The following CLVS1 variants were observed in gnomAD, a reference collection of about 807,000 sequenced individuals.
CLVS1 encodes clavesin 1, also known as clavesin-1.
CLVS1 carries 10 observed loss-of-function variants against 33.1 expected under a neutral mutation model. That is an observed-to-expected ratio of 0.30 (90% CI 0.19 to 0.51). CLVS1 has a LOEUF of 0.51. Ranked by LOEUF, CLVS1 falls within the 20% of genes least tolerant of loss-of-function variation. CLVS1 has a pLI of 0.97. For missense variants in CLVS1, 343 were observed against 433.4 expected (o/e 0.79, Z 1.85); for synonymous variants, 163 against 166.1 (o/e 0.98, Z 0.14).
intron 2 of CLVS1, among the ~76,000 whole-genome samples, chr8:61,171,663 G>A (rs888202794): frequency 6.6e-6 from 1 of 152,072 alleles, no homozygotes; most frequent in Non-Finnish European, 1.5e-5. Context: ...CTAAGAAACA[G>A]GCAATGTATT....
chr8:60,992,796 AAGACATGACCCGTGAGGC>A, the CLVS1 span, among the ~76,000 whole-genome samples: 1 of 152,212 alleles, frequency 6.6e-6, no homozygotes, highest in Non-Finnish European at 1.5e-5. Flanking sequence ...TAAGAAGAGC[AAGACATGACCCGTGAGGC>A]AGGGAGAAGT....
At chr8:61,097,278 T>G (rs1271532323) in intron 1 of CLVS1, among the ~76,000 whole-genome samples, 1 of 150,652 alleles carries the variant, frequency 6.6e-6, no homozygotes, top group African/African-American at 2.4e-5. Context: ...GGTAACAGAG[T>G]GAGACTCCAT....
At chr8:61,220,512 G>T (rs962107411) in intron 2 of CLVS1, among the ~76,000 whole-genome samples, 2 of 151,996 alleles carry the variant, frequency 1.3e-5, no homozygotes, top group Non-Finnish European at 2.9e-5. Context: ...TGCTCCATTT[G>T]TTTATATGTC....
chr8:61,131,669 C>T (rs1023397343), intron 1 of CLVS1: 3 of 149,200 alleles, frequency 2.0e-5, no homozygotes, highest in African/African-American at 5.0e-5. Flanking sequence ...TTCTAGGGGC[C>T]AGTTTTTTTT....
At chr8:61,143,142 A>C (rs888538535) in intron 2 of CLVS1, among the ~76,000 whole-genome samples, 1 of 152,228 alleles carries the variant, frequency 6.6e-6, no homozygotes, top group African/African-American at 2.4e-5. Flanking sequence ...AGGGAAAACA[A>C]CCTACCACAT....
chr8:61,320,743 G>T (rs1430889559), intron 2 of CLVS1, among the ~76,000 whole-genome samples: 1 of 152,118 alleles, frequency 6.6e-6, no homozygotes, highest in African/African-American at 2.4e-5. Context: ...GGCACTGATT[G>T]CTCTAGAGCC....
intron 2 of CLVS1, among the ~76,000 whole-genome samples, chr8:61,202,063 G>A (rs986462848): frequency 8.4e-4 from 128 of 152,258 alleles, no homozygotes; most frequent in Non-Finnish European, 7.4e-5. Context: ...AACAAAGGAA[G>A]GAGGAAGTAA....
chr8:61,309,550 C>A lies in CLVS1; in HGVS notation c.455+9268C>A, dbSNP rs191013681. On this transcript the variant is annotated intron_variant, in intron 2 of 5. Transcript: ENST00000325897. ...GAAGACACTGTCATATTTACTTTCT[C>A]ATGTAGAAAAACACCCCAAATCTGT... 1.5e-3 allele frequency among the ~76,000 whole-genome samples: 217 copies of A among 148,220 alleles called. 2 individuals carry two copies. The highest frequency in any genetic ancestry group is 4.0e-3 in the African/African-American group (164 of 40,706).
At chr8:61,266,959 CTG>C (rs1158621440) in intron 2 of CLVS1, among the ~76,000 whole-genome samples, 2 of 152,210 alleles carry the variant, frequency 1.3e-5, no homozygotes, top group Non-Finnish European at 2.9e-5. Context: ...AATCCCAACA[CTG>C]TGGAGCCACA....
intron 1 of CLVS1, among the ~76,000 whole-genome samples, chr8:61,116,045 T>G (rs1458596299): frequency 6.6e-6 from 1 of 150,624 alleles, no homozygotes; most frequent in Non-Finnish European, 1.5e-5. Context: ...TGTTGTTTCC[T>G]GACTTTTTAA....
chr8:61,376,488 G>A, intron 2 of CLVS1, 117 bp from the exon 3 acceptor site: 1 of 874,176 alleles, frequency 1.1e-6, no homozygotes. Context: ...GGACGCCAGT[G>A]TGACCCTCCA....
intron 3 of CLVS1, among the ~76,000 whole-genome samples, chr8:61,382,987 A>G (rs920510155): frequency 6.6e-6 from 1 of 152,200 alleles, no homozygotes; most frequent in Non-Finnish European, 1.5e-5. Context: ...TGGCTACTCA[A>G]TGTTAGAGTG....
intron 2 of CLVS1, among the ~76,000 whole-genome samples, chr8:61,318,581 A>T (rs1433011411): frequency 6.6e-6 from 1 of 152,190 alleles, no homozygotes; most frequent in African/African-American, 2.4e-5. Flanking sequence ...CTATCTTCAT[A>T]TGAAATTCCC....
chr8:61,142,969 A>T (rs188602819), intron 2 of CLVS1, among the ~76,000 whole-genome samples: 1 of 152,334 alleles, frequency 6.6e-6, no homozygotes, highest in East Asian at 1.9e-4. Context: ...GAAGGAAGCA[A>T]ATTAATAGCA....
the CLVS1 span, among the ~76,000 whole-genome samples, chr8:61,014,026 A>T: frequency 6.6e-6 from 1 of 151,272 alleles, no homozygotes; most frequent in African/African-American, 2.4e-5. Flanking sequence ...CACGGTGCAT[A>T]TCCACAGGAC....
the CLVS1 span, among the ~76,000 whole-genome samples, chr8:60,994,820 G>C: frequency 2.0e-5 from 3 of 152,112 alleles, no homozygotes; most frequent in Non-Finnish European, 4.4e-5. Context: ...CAGAGATATA[G>C]ATCAATGGAA....
chr8:61,189,226 C>G (rs890863682), intron 2 of CLVS1, among the ~76,000 whole-genome samples: 3 of 152,126 alleles, frequency 2.0e-5, no homozygotes, highest in Non-Finnish European at 4.4e-5. Flanking sequence ...ATTCAACATT[C>G]TTAAAGAGAA....
At chr8:61,265,273 T>A (rs998069404) in intron 2 of CLVS1, among the ~76,000 whole-genome samples, 1 of 150,534 alleles carries the variant, frequency 6.6e-6, no homozygotes, top group Non-Finnish European at 1.5e-5. Flanking sequence ...GCCCAAATTA[T>A]GAGAAACATT....
chr8:61,217,332 C>G (rs1456524138), intron 2 of CLVS1, among the ~76,000 whole-genome samples: 1 of 152,098 alleles, frequency 6.6e-6, no homozygotes, highest in East Asian at 1.9e-4. Context: ...CAGATTGTGA[C>G]TTTTTATTTA....
Sources: allele counts gnomAD v4.1 joint callset (sites outside exome capture counted in the v4.1 genomes callset), GRCh38; gene constraint gnomAD v4.1.1; transcripts MANE v1.5; gene names NCBI Gene and HGNC (gene_info 2026-07-23, HGNC 2026-07-21).